DLG2: variants seen among roughly 807,000 people sequenced by gnomAD.
DLG2 encodes the protein disks large homolog 2.
A neutral mutation model predicts 132.5 loss-of-function variants in DLG2; 45 were observed. The observed-to-expected ratio is 0.34, with a 90% confidence interval of 0.27 to 0.44. The LOEUF (loss-of-function observed/expected upper bound fraction) is 0.44, where lower values mean the gene tolerates loss of function less well. Among genes scored for constraint, DLG2 ranks in the 20% least tolerant of loss-of-function variants. The pLI, the probability that DLG2 is intolerant of heterozygous loss-of-function variation, is 1.00. For missense variants in DLG2, 1,045 were observed against 1,196.9 expected (o/e 0.87, Z 1.87); for synonymous variants, 424 against 419.6 (o/e 1.01, Z -0.13).
intron 8 of DLG2, among the ~76,000 whole-genome samples, chr11:84,182,761 A>C (rs2096172618): frequency 1.3e-5 from 2 of 152,180 alleles, no homozygotes; most frequent in Non-Finnish European, 2.9e-5. Context: ...GAGAAGATCA[A>C]GAAAATTGAA....
At chr11:85,455,670 T>G (rs889503618) in intron 3 of DLG2, among the ~76,000 whole-genome samples, 4 of 152,234 alleles carry the variant, frequency 2.6e-5, no homozygotes, top group Non-Finnish European at 5.9e-5. Flanking sequence ...TTGTCACAGA[T>G]GGCTCTTATT....
intron 19 of DLG2, among the ~76,000 whole-genome samples, chr11:83,574,620 GTA>G (rs1416812794): frequency 6.6e-6 from 1 of 152,194 alleles, no homozygotes; most frequent in Non-Finnish European, 1.5e-5. Context: ...TAGGTTCACT[GTA>G]TCCTGAGCTG....
chr11:84,471,060 A>G (rs1226178913), intron 7 of DLG2, among the ~76,000 whole-genome samples: 1 of 151,522 alleles, frequency 6.6e-6, no homozygotes, highest in African/African-American at 2.4e-5. Context: ...TGCCTTTCTC[A>G]AGACCATCTC....
At chr11:85,127,528 G>A (rs1272178238) in intron 5 of DLG2, among the ~76,000 whole-genome samples, 1 of 152,026 alleles carries the variant, frequency 6.6e-6, no homozygotes, top group African/African-American at 2.4e-5. Flanking sequence ...TTCCCCATTA[G>A]ACGAAAGGTT....
intron 8 of DLG2, among the ~76,000 whole-genome samples, chr11:84,167,676 T>C (rs1370923455): frequency 6.6e-6 from 1 of 152,168 alleles, no homozygotes; most frequent in African/African-American, 2.4e-5. Flanking sequence ...AATAATTTTT[T>C]TTTTTTCGAG....
At chr11:85,345,530 T>A (rs747459003) in intron 3 of DLG2, among the ~76,000 whole-genome samples, 1 of 152,148 alleles carries the variant, frequency 6.6e-6, no homozygotes, top group Non-Finnish European at 1.5e-5. Context: ...GGAATTTGCA[T>A]GATATCACAC....
intron 6 of DLG2, among the ~76,000 whole-genome samples, chr11:84,786,601 A>G (rs2072938038): frequency 2.0e-5 from 3 of 152,186 alleles, no homozygotes; most frequent in Admixed American, 1.3e-4. Flanking sequence ...GGCTTCCCCC[A>G]AAAAACATCA....
At chr11:84,670,224 T>A (rs978695312) in intron 6 of DLG2, among the ~76,000 whole-genome samples, 2 of 152,160 alleles carry the variant, frequency 1.3e-5, no homozygotes, top group Non-Finnish European at 2.9e-5. Context: ...CCACTCACTG[T>A]ATTTCTCATT....
chr11:85,607,838 CTCAG>C (rs2080695018), intron 2 of DLG2, among the ~76,000 whole-genome samples: 1 of 152,212 alleles, frequency 6.6e-6, no homozygotes, highest in African/African-American at 2.4e-5. Context: ...CCTCCCCTCC[CTCAG>C]GGTATGGCCC....
At chr11:84,656,701 C>T (rs1286920338) in intron 6 of DLG2, among the ~76,000 whole-genome samples, 1 of 152,134 alleles carries the variant, frequency 6.6e-6, no homozygotes, top group Non-Finnish European at 1.5e-5. Context: ...TCCTAGCACT[C>T]ACTAACGAAG....
chr11:85,292,220 T>C (rs1433551036), intron 3 of DLG2, among the ~76,000 whole-genome samples: 1 of 152,136 alleles, frequency 6.6e-6, no homozygotes, highest in Non-Finnish European at 1.5e-5. Context: ...CCAAAACTAC[T>C]AGACACTGAA....
At chr11:84,825,938 C>T (rs2078275938) in intron 6 of DLG2, among the ~76,000 whole-genome samples, 1 of 151,882 alleles carries the variant, frequency 6.6e-6, no homozygotes, top group Admixed American at 6.6e-5. Flanking sequence ...TCCAGTCCCA[C>T]TCCTCCAAAC....
chr11:84,614,851 A>G (rs1185307896), intron 6 of DLG2, among the ~76,000 whole-genome samples: 1 of 152,158 alleles, frequency 6.6e-6, no homozygotes, highest in Non-Finnish European at 1.5e-5. Context: ...ATTCAGCTAT[A>G]GCTACTAAAG....
At chr11:83,943,530 T>C (rs1007935208) in intron 14 of DLG2, among the ~76,000 whole-genome samples, 4 of 152,240 alleles carry the variant, frequency 2.6e-5, no homozygotes, top group Admixed American at 6.5e-5. Flanking sequence ...ACTAACAAGA[T>C]GGCTTAACTG....
At chr11:84,738,524 C>A (rs975241337) in intron 6 of DLG2, among the ~76,000 whole-genome samples, 4 of 152,106 alleles carry the variant, frequency 2.6e-5, no homozygotes, top group African/African-American at 9.7e-5. Context: ...TAGACATACA[C>A]CTCCTATATG....
intron 7 of DLG2, among the ~76,000 whole-genome samples, chr11:84,258,379 T>C (rs927080344): frequency 6.6e-6 from 1 of 152,096 alleles, no homozygotes; most frequent in Non-Finnish European, 1.5e-5. Context: ...TGAAAATGAA[T>C]ACAAAGAATA....
chr11:84,177,727 G>GT (rs1422320267), intron 8 of DLG2, among the ~76,000 whole-genome samples: 1 of 152,120 alleles, frequency 6.6e-6, no homozygotes, highest in African/African-American at 2.4e-5. Context: ...TGTAAGTGGG[G>GT]TCAAAATGAA....
intron 6 of DLG2, among the ~76,000 whole-genome samples, chr11:85,017,366 T>TTTTC: frequency 6.6e-6 from 1 of 150,502 alleles, no homozygotes; most frequent in African/African-American, 2.4e-5. Flanking sequence ...CTTTTTTTTT[T>TTTTC]ATTCCTTTCT....
At chr11:83,909,593 A>T (rs1197675934) in intron 15 of DLG2, among the ~76,000 whole-genome samples, 2 of 152,190 alleles carry the variant, frequency 1.3e-5, no homozygotes, top group Non-Finnish European at 2.9e-5. Flanking sequence ...ACGGATTGTT[A>T]TAAAATAAAT....
Sources: gnomAD v4.1 joint callset for allele counts (sites outside exome capture counted in the v4.1 genomes callset) on GRCh38, gnomAD v4.1.1 for gene constraint, MANE v1.5 for transcripts, NCBI Gene and HGNC (gene_info 2026-07-23, HGNC 2026-07-21) for gene names.